The following GTF2A1 variants were observed in gnomAD, a reference collection of about 807,000 sequenced individuals.
GTF2A1 encodes the protein transcription initiation factor IIA subunit 1.
Under a neutral mutation model 54.1 loss-of-function variants are expected in GTF2A1, and 12 were observed. The ratio of observed to expected loss-of-function variants is 0.22; its 90% confidence interval spans 0.14 to 0.36. GTF2A1 has a LOEUF of 0.36. GTF2A1 is among the 10% of genes least tolerant of loss of function. GTF2A1 has a pLI of 1.00. For synonymous variants in GTF2A1, 145 were observed against 152.0 expected (o/e 0.95, Z 0.34); for missense variants, 335 against 442.2 (o/e 0.76, Z 2.17).
At chr14:81,185,724 G>A in intron 7 of GTF2A1, 104 bp from the exon 8 acceptor site, 1 of 586,970 alleles carries the variant, frequency 1.7e-6, no homozygotes, top group Non-Finnish European at 3.0e-6. Context: ...AATGCCAAAT[G>A]CATATATGTA....
rs1422255600 is a variant in GTF2A1 at position 81,220,567 on chromosome 14, A to G, written c.-49T>C. On this transcript the variant is annotated 5_prime_UTR_variant, in exon 1 of 9. Coordinates refer to ENST00000553612, the MANE Select transcript of GTF2A1 (RefSeq NM_015859.4). The stretch of plus-strand genomic sequence containing the variant: ...GGGGGCAACCCCAAGAAAACAAGAT[A>G]AAAACAAAACCAAAAAAAAAAAAAC... 2 of 1,482,920 alleles carry G rather than the reference A, an allele frequency of 1.3e-6. No individual in the cohort carries two copies. The highest frequency in any genetic ancestry group is 1.8e-6 in the Non-Finnish European group (2 of 1,100,686). 91.9% of individuals were successfully genotyped at this position (1,482,920 alleles called of 1,614,324 possible). A position where few individuals can be genotyped will look rare whatever the true frequency, so the allele number is the denominator to read the frequency against.
chr14:81,197,063 G>T (rs992477326), intron 5 of GTF2A1, among the ~76,000 whole-genome samples: 1 of 152,092 alleles, frequency 6.6e-6, no homozygotes, highest in Non-Finnish European at 1.5e-5. Flanking sequence ...TATGCTCTAG[G>T]AATTACTTTG....
rs1193460955 is a variant in GTF2A1 at position 81,177,642 on chromosome 14, C to G, written c.*2581G>C. The G allele has an allele frequency of 6.6e-6, 1 of 152,138 alleles. No homozygotes were observed. The highest frequency in any genetic ancestry group is 1.5e-5 in the Non-Finnish European group (1 of 67,980). 9.4% of individuals were successfully genotyped at this position (152,138 alleles called of 1,614,324 possible). ...CATAATACCAAGTCCGAACTATTTT[C>G]TGCCTTTAGATAAACATGCTACTTT... On this transcript the variant is annotated 3_prime_UTR_variant, in exon 9 of 9. Coordinates refer to ENST00000553612, the MANE Select transcript of GTF2A1 (RefSeq NM_015859.4).
intron 7 of GTF2A1, among the ~76,000 whole-genome samples, chr14:81,186,558 T>G (rs1484108332): frequency 6.6e-6 from 1 of 152,164 alleles, no homozygotes; most frequent in Non-Finnish European, 1.5e-5. Flanking sequence ...CATGTTAAAT[T>G]TCGCTTCAAT....
intron 2 of GTF2A1, among the ~76,000 whole-genome samples, chr14:81,209,152 T>C (rs1156399394): frequency 6.6e-6 from 1 of 152,204 alleles, no homozygotes; most frequent in East Asian, 1.9e-4. Context: ...ACTTGAATTG[T>C]ATCTCCCAGA....
rs1162249371 is a variant in GTF2A1 at position 81,192,621 on chromosome 14, C to A, written c.831G>T (p.Gly277=). The change falls in exon 7 of 9, where the codon GGG becomes GGT. Residue 277 remains glycine (G), a synonymous_variant. Coordinates refer to ENST00000553612, the MANE Select transcript of GTF2A1 (RefSeq NM_015859.4). ...APLVLQVDGT[G]DTSSEEDEDE... is the part of the protein sequence containing the mutation. ...CTTCATCTTCTTCAGATGATGTATC[C>A]CCAGTTCCATCAACTTGTAAGACCA... 1.2e-6 allele frequency: 2 copies of A among 1,610,126 alleles called. No individual in the cohort carries two copies. The highest frequency in any genetic ancestry group is 1.1e-5 in the South Asian group (1 of 90,998).
At chr14:81,201,180 T>C (rs1053688655) in intron 4 of GTF2A1, among the ~76,000 whole-genome samples, 1 of 152,206 alleles carries the variant, frequency 6.6e-6, no homozygotes, top group Admixed American at 6.5e-5. Context: ...TATTTTTAAA[T>C]GCTTGATTTT....
chr14:81,179,120 T>A lies in GTF2A1; in HGVS notation c.*1103A>T, dbSNP rs1025223259. ...GCCCACCCACCTCTTCCCCCCAAATTTTCCCCTCAAATTACAAAGTTGATT... is the reference window on the plus strand; with the variant it reads ...GCCCACCCACCTCTTCCCCCCAAATATTCCCCTCAAATTACAAAGTTGATT... On this transcript the variant is annotated 3_prime_UTR_variant, in exon 9 of 9. Coordinates refer to ENST00000553612, the MANE Select transcript of GTF2A1 (RefSeq NM_015859.4). 1.3e-5 allele frequency: 2 copies of A among 152,126 alleles called. No individual in the cohort carries two copies. The highest frequency in any genetic ancestry group is 4.8e-5 in the African/African-American group (2 of 41,436). 9.4% of individuals were successfully genotyped at this position (152,126 alleles called of 1,614,324 possible).
chr14:81,202,176 C>T (rs531555134), intron 3 of GTF2A1, among the ~76,000 whole-genome samples: 2 of 152,032 alleles, frequency 1.3e-5, no homozygotes, highest in South Asian at 4.1e-4. Flanking sequence ...AATTTAGGAA[C>T]ATGAAGTAGT....
chr14:81,218,339 T>C (rs564738576), intron 1 of GTF2A1, among the ~76,000 whole-genome samples: 3 of 152,334 alleles, frequency 2.0e-5, no homozygotes, highest in Non-Finnish European at 2.9e-5. Flanking sequence ...TTTTTGTGCC[T>C]TAATGAACTC....
intron 7 of GTF2A1, among the ~76,000 whole-genome samples, chr14:81,188,180 T>C (rs12891828): frequency 0.098 from 14,916 of 152,292 alleles, 805 homozygotes; most frequent in Middle Eastern, 0.18. Flanking sequence ...GCATTATCTT[T>C]TTGTTGTTAC....
At position 81,216,639 on chromosome 14, in the gene GTF2A1, C is replaced by A. The variant is rs79358419; in HGVS notation, c.31-125G>T. On this transcript the variant is annotated intron_variant, in intron 1 of 8. Coordinates refer to ENST00000553612, the MANE Select transcript of GTF2A1 (RefSeq NM_015859.4). ...CTATCTATATATGACTTTAAAGATA[C>A]GACCACCATCATTTGCCATAAACTG... 227 of 527,282 alleles carry A rather than the reference C, an allele frequency of 4.3e-4. 3 individuals carry two copies. The highest frequency in any genetic ancestry group is 4.1e-3 in the African/African-American group (210 of 51,176). The allele number at this position is 527,282 out of a possible 1,614,324, so 32.7% of individuals were successfully genotyped here. A position where few individuals can be genotyped will look rare whatever the true frequency, so the allele number is the denominator to read the frequency against.
At chr14:81,206,247 C>G (rs1395541754) in intron 2 of GTF2A1, among the ~76,000 whole-genome samples, 1 of 152,118 alleles carries the variant, frequency 6.6e-6, no homozygotes, top group Non-Finnish European at 1.5e-5. Flanking sequence ...TGTAAACGAC[C>G]TAGGAGTCAG....
At chr14:81,213,338 T>A (rs961047775) in intron 2 of GTF2A1, among the ~76,000 whole-genome samples, 8 of 152,216 alleles carry the variant, frequency 5.3e-5, no homozygotes, top group African/African-American at 1.9e-4. Context: ...GTCTCAAAGA[T>A]GCTCATTCTC....
At chr14:81,180,922 A>C (rs915446035) in intron 8 of GTF2A1, among the ~76,000 whole-genome samples, 1 of 152,240 alleles carries the variant, frequency 6.6e-6, no homozygotes, top group Non-Finnish European at 1.5e-5. Context: ...GACATTTCTT[A>C]CATTATTTGT....
intron 7 of GTF2A1, among the ~76,000 whole-genome samples, chr14:81,187,944 C>A (rs1451687526): frequency 6.6e-6 from 1 of 152,126 alleles, no homozygotes; most frequent in East Asian, 1.9e-4. Flanking sequence ...TTTCCACCAA[C>A]AATGCACAAG....
At chr14:81,201,518 G>T in intron 4 of GTF2A1, 76 bp downstream of exon 4, 1 of 820,628 alleles carries the variant, frequency 1.2e-6, no homozygotes, top group African/African-American at 1.7e-5. Context: ...AGTTAATATA[G>T]GACATATATA....
In GTF2A1 at chr14:81,180,286, G is replaced by A. The variant is rs754098529; in HGVS notation, c.1068C>T (p.Gly356=). ...KNKWKFHLKD[G]IMNLNGRDYI... is the part of the protein sequence containing the mutation. ...AATCTCTTCCATTAAGATTCATAAT[G>A]CCATCCTTGAGATGAAATTTCCATT... The change falls in exon 9 of 9, where the codon GGC becomes GGT. Residue 356 remains glycine, a synonymous_variant. Transcript: ENST00000553612. The A allele has an allele frequency of 6.6e-7, 1 of 1,520,946 alleles. No homozygotes were observed. The highest frequency in any genetic ancestry group is 1.2e-5 in the South Asian group (1 of 86,582). 94.2% of individuals were successfully genotyped at this position (1,520,946 alleles called of 1,614,324 possible). A position where few individuals can be genotyped will look rare whatever the true frequency, so the allele number is the denominator to read the frequency against.
intron 2 of GTF2A1, chr14:81,209,968 G>C (rs1268580641): frequency 1.0e-6 from 1 of 993,652 alleles, no homozygotes; most frequent in African/African-American, 1.7e-5. Flanking sequence ...CAAAACTATT[G>C]TCTTCTAGAA....
Sources: allele counts gnomAD v4.1 joint callset (sites outside exome capture counted in the v4.1 genomes callset), GRCh38; gene constraint gnomAD v4.1.1; transcripts MANE v1.5; gene names NCBI Gene and HGNC (gene_info 2026-07-23, HGNC 2026-07-21).